The following SYNE1 variants were observed in gnomAD, a reference collection of about 807,000 sequenced individuals.
The protein encoded by SYNE1 is spectrin repeat containing nuclear envelope protein 1.
A neutral mutation model predicts 1,111.0 loss-of-function variants in SYNE1; 616 were observed. The ratio of observed to expected loss-of-function variants is 0.55; its 90% CI spans 0.52 to 0.59. The LOEUF (loss-of-function observed/expected upper bound fraction) is 0.59, where lower values mean the gene tolerates loss of function less well. Ranked by LOEUF, SYNE1 falls within the 20% of genes least tolerant of loss-of-function variation. SYNE1 has a pLI of 0.00. For missense variants in SYNE1, 10,006 were observed against 10,417.0 expected, an observed-to-expected ratio of 0.96 and a Z score of 1.72; for synonymous variants, 3,855 against 3,825.8, an observed-to-expected ratio of 1.01 and a Z score of -0.28.
intron 81 of SYNE1, among the ~76,000 whole-genome samples, chr6:152,324,667 G>A (rs1377771673): frequency 6.6e-6 from 1 of 152,106 alleles, no homozygotes; most frequent in African/African-American, 2.4e-5. Context: ...GGTGGCGGGC[G>A]CCTGTAGTCC....
chr6:152,563,587 C>T (rs2099401992), intron 3 of SYNE1, among the ~76,000 whole-genome samples: 1 of 152,094 alleles, frequency 6.6e-6, no homozygotes, highest in Non-Finnish European at 1.5e-5. Context: ...GATATATTGA[C>T]ATGATTTTTA....
At position 152,407,005 on chromosome 6, in the gene SYNE1, T is replaced by C. The variant is rs753923895; in HGVS notation, c.6723+9A>G. Reference sequence around the variant, plus strand: ...CACCAGCTGCCATATGTCAACACAGTCAATTTACCTCAAATTCTTTAAGCA... The same window carrying C: ...CACCAGCTGCCATATGTCAACACAGCCAATTTACCTCAAATTCTTTAAGCA... On this transcript the variant is annotated intron_variant, in intron 45 of 145. Transcript: ENST00000367255. The C allele has an allele frequency of 1.2e-6, 2 of 1,613,406 alleles. No homozygotes were observed. Among genetic ancestry groups the C allele is most frequent in the Non-Finnish European group, 8.5e-7 (1 of 1,179,710 alleles).
intron 87 of SYNE1, among the ~76,000 whole-genome samples, chr6:152,311,654 C>G (rs2095549930): frequency 6.6e-6 from 1 of 152,064 alleles, no homozygotes; most frequent in Non-Finnish European, 1.5e-5. Flanking sequence ...ACATTTCAGA[C>G]AGAGAGAACA....
In SYNE1 at chr6:152,416,985, C is replaced by A; in HGVS notation, c.5452G>T (p.Gly1818Cys). The A allele has an allele frequency of 6.2e-7, 1 of 1,614,162 alleles. No individual in the cohort carries two copies. Among genetic ancestry groups the A allele is most frequent in the Non-Finnish European group, 8.5e-7 (1 of 1,180,032 alleles). The change falls in exon 41 of 146, where the codon GGC becomes TGC. Residue 1818 changes from glycine (G) to cysteine (C), a missense_variant. By Grantham distance (159) the Gly-to-Cys change is radical. Transcript: ENST00000367255. Reference sequence around the variant, plus strand: ...TGACCCTGCAGACTCTGCAATTCGCCCTTTTTGCTCTCTACTTCTGCTGCG... The same window carrying A: ...TGACCCTGCAGACTCTGCAATTCGCACTTTTTGCTCTCTACTTCTGCTGCG... ...DHAAEVESKKGELQSLQGHLA... is the reference protein window; with the variant it reads ...DHAAEVESKKCELQSLQGHLA...
intron 118 of SYNE1, 34 bp downstream of exon 118, chr6:152,221,392 T>A (rs1242773875): frequency 6.2e-7 from 1 of 1,610,506 alleles, no homozygotes; most frequent in South Asian, 1.1e-5. Flanking sequence ...AAGGCTGTGA[T>A]ATAAATAGTG....
At chr6:152,628,044 CA>C (rs66815986) in intron 3 of SYNE1, among the ~76,000 whole-genome samples, 1,989 of 103,346 alleles carry the variant, frequency 0.019, 63 homozygotes, top group African/African-American at 0.066. Context: ...CACAAAATTA[CA>C]AAAAAAAAAA....
intron 3 of SYNE1, among the ~76,000 whole-genome samples, chr6:152,567,721 A>C (rs1240486543): frequency 6.6e-6 from 1 of 152,216 alleles, no homozygotes; most frequent in Non-Finnish European, 1.5e-5. Flanking sequence ...ATTGTCAAAA[A>C]ATAGCTTCCT....
chr6:152,585,957 A>G (rs1249676453), intron 3 of SYNE1, among the ~76,000 whole-genome samples: 1 of 152,120 alleles, frequency 6.6e-6, no homozygotes, highest in Non-Finnish European at 1.5e-5. Context: ...TGTGTGAAAT[A>G]CAAAGACATG....
chr6:152,349,667 T>C (rs1167688208), intron 72 of SYNE1, among the ~76,000 whole-genome samples: 1 of 152,228 alleles, frequency 6.6e-6, no homozygotes, highest in Non-Finnish European at 1.5e-5. Context: ...TCAGAAGTGC[T>C]TGAGACTCAG....
At chr6:152,361,443 T>C (rs1318416328) in intron 64 of SYNE1, among the ~76,000 whole-genome samples, 4 of 152,010 alleles carry the variant, frequency 2.6e-5, no homozygotes, top group Admixed American at 1.3e-4. Context: ...CCAGTTCAGG[T>C]GAAGAGGATG....
intron 132 of SYNE1, among the ~76,000 whole-genome samples, chr6:152,155,616 T>C (rs189678513): frequency 6.6e-6 from 1 of 152,364 alleles, no homozygotes; most frequent in Admixed American, 6.5e-5. Flanking sequence ...AATGTTACTG[T>C]TCTCACAGCC....
chr6:152,436,955 C>A (rs929957804), intron 32 of SYNE1, among the ~76,000 whole-genome samples: 7 of 151,710 alleles, frequency 4.6e-5, no homozygotes, highest in Non-Finnish European at 1.0e-4. Context: ...CACTTGAGGC[C>A]AGGAGTTTGA....
chr6:152,309,719 G>A, intron 90 of SYNE1, 116 bp downstream of exon 90: 5 of 1,341,772 alleles, frequency 3.7e-6, no homozygotes, highest in Non-Finnish European at 5.2e-6. Flanking sequence ...AACCACAACA[G>A]CCTGTCAGAT....
At chr6:152,130,868 C>T in intron 144 of SYNE1, 90 bp from the exon 145 acceptor site, 1 of 1,326,718 alleles carries the variant, frequency 7.5e-7, no homozygotes, top group Admixed American at 1.9e-5. Context: ...ACTAAAAGTG[C>T]AGCAAAGGAA....
intron 95 of SYNE1, among the ~76,000 whole-genome samples, chr6:152,285,302 C>G (rs941254557): frequency 1.3e-5 from 2 of 152,162 alleles, no homozygotes; most frequent in African/African-American, 4.8e-5. Context: ...CTGCCCCCAC[C>G]TGAAGCCAAA....
chr6:152,484,413 C>G (rs957620208), intron 13 of SYNE1, among the ~76,000 whole-genome samples: 4 of 152,046 alleles, frequency 2.6e-5, no homozygotes, highest in African/African-American at 9.7e-5. Context: ...AACTGTATGT[C>G]AACACAGGAA....
chr6:152,511,707 G>A, intron 6 of SYNE1: 2 of 1,045,088 alleles, frequency 1.9e-6, no homozygotes, highest in Non-Finnish European at 2.9e-6. Context: ...ACCTGACTGT[G>A]GTAATACGTT....
chr6:152,469,592 T>G (rs150059842), intron 16 of SYNE1, among the ~76,000 whole-genome samples: 1 of 152,310 alleles, frequency 6.6e-6, no homozygotes, highest in South Asian at 2.1e-4. Flanking sequence ...TAAATTGAAC[T>G]GATATTTATG....
chr6:152,453,203 CT>C (rs2098665699), intron 25 of SYNE1, among the ~76,000 whole-genome samples: 1 of 151,838 alleles, frequency 6.6e-6, no homozygotes, highest in Non-Finnish European at 1.5e-5. Context: ...ATGATAAAAT[CT>C]TTGGGGGGCA....
Sources: gnomAD v4.1 joint callset for allele counts (sites outside exome capture counted in the v4.1 genomes callset) on GRCh38, gnomAD v4.1.1 for gene constraint, MANE v1.5 for transcripts, NCBI Gene and HGNC (gene_info 2026-07-23, HGNC 2026-07-21) for gene names.